GAS7: variants seen among roughly 807,000 people sequenced by gnomAD.
GAS7 encodes growth arrest-specific protein 7.
A neutral mutation model predicts 71.1 loss-of-function variants in GAS7; 28 were observed. The observed-to-expected ratio is 0.39, with a 90% confidence interval of 0.29 to 0.54. The LOEUF (loss-of-function observed/expected upper bound fraction) is 0.54. Ranked by LOEUF, GAS7 falls within the 20% of genes least tolerant of loss-of-function variation. The pLI, the probability that GAS7 is intolerant of heterozygous loss-of-function variation, is 0.62. For missense variants in GAS7, 436 were observed against 627.8 expected (o/e 0.69, Z 3.27); for synonymous variants, 258 against 245.8 (o/e 1.05, Z -0.46).
chr17:10,059,659 A>G, intron 1 of GAS7: 2 of 983,128 alleles, frequency 2.0e-6, no homozygotes, highest in Non-Finnish European at 1.2e-6. Context: ...ATCTGCATCA[A>G]AGATAACCAG....
At chr17:10,094,817 G>A (rs187309833) in intron 1 of GAS7, among the ~76,000 whole-genome samples, 292 of 152,230 alleles carry the variant, frequency 1.9e-3, no homozygotes, top group South Asian at 5.4e-3. Context: ...CTCACGAGGG[G>A]ATTAACAGAA....
At chr17:9,966,579 T>C (rs751114703) in intron 4 of GAS7, among the ~76,000 whole-genome samples, 1 of 152,202 alleles carries the variant, frequency 6.6e-6, no homozygotes, top group Non-Finnish European at 1.5e-5. Flanking sequence ...GTGGGGTCTA[T>C]ACCTGGGGAC....
Position 10,020,361 on chromosome 17 carries a change from A to G in GAS7, c.184-464T>C, listed in dbSNP as rs144864696. The stretch of plus-strand genomic sequence containing the variant: ...AATTAATGCAAGTCATCCCACAGCC[A>G]GATGCAAAACATTCTATAATAATGC... On this transcript the variant is annotated intron_variant, in intron 1 of 13. Transcript: ENST00000432992. 8.5e-3 allele frequency among the ~76,000 whole-genome samples: 1,299 copies of G among 152,330 alleles called. 6 individuals are homozygous for G. Among genetic ancestry groups the G allele is most frequent in the Non-Finnish European group, 0.015 (1,037 of 68,022 alleles).
intron 1 of GAS7, among the ~76,000 whole-genome samples, chr17:10,104,956 C>G (rs932719995): frequency 2.0e-5 from 3 of 152,194 alleles, no homozygotes; most frequent in Non-Finnish European, 2.9e-5. Flanking sequence ...AGGCTTTGCA[C>G]TACTCCTAGA....
chr17:10,122,018 G>A (rs539710295), intron 1 of GAS7, among the ~76,000 whole-genome samples: 11 of 152,178 alleles, frequency 7.2e-5, no homozygotes, highest in South Asian at 6.2e-4. Flanking sequence ...GGCACAATCC[G>A]AAGGCCAGCC....
intron 7 of GAS7, among the ~76,000 whole-genome samples, chr17:9,942,050 C>T (rs2068621321): frequency 6.6e-6 from 1 of 152,072 alleles, no homozygotes; most frequent in Non-Finnish European, 1.5e-5. Context: ...GTCAGGAGTT[C>T]GAGACCAGCC....
intron 1 of GAS7, among the ~76,000 whole-genome samples, chr17:10,127,308 G>A (rs994162275): frequency 2.6e-5 from 4 of 152,132 alleles, no homozygotes; most frequent in African/African-American, 9.7e-5. Flanking sequence ...GGTTTCCAGG[G>A]GCCCCATGTT....
At chr17:10,015,484 T>C (rs992879697) in intron 2 of GAS7, among the ~76,000 whole-genome samples, 4 of 152,148 alleles carry the variant, frequency 2.6e-5, no homozygotes, top group African/African-American at 9.7e-5. Flanking sequence ...GAAAGGCAGA[T>C]AGATGCAGCT....
In GAS7 at chr17:9,916,685, G is replaced by A; in HGVS notation, c.*543C>T. ...ACCCCTGGTGATGAACAGTGGCTGA[G>A]AAAGCCAGATGTGGACTCCCAGAAT... On this transcript the variant is annotated 3_prime_UTR_variant, in exon 14 of 14. Transcript: ENST00000432992. 2 of 350,652 alleles carry A rather than the reference G, an allele frequency of 5.7e-6. No homozygotes were observed. The highest frequency in any genetic ancestry group is 1.0e-5 in the Non-Finnish European group (2 of 195,834). The allele number at this position is 350,652 out of a possible 1,614,324, so 21.7% of individuals were successfully genotyped here. A position where few individuals can be genotyped will look rare whatever the true frequency, so the allele number is the denominator to read the frequency against.
At chr17:10,008,810 C>T (rs969618905) in intron 2 of GAS7, among the ~76,000 whole-genome samples, 3 of 152,164 alleles carry the variant, frequency 2.0e-5, no homozygotes, top group Admixed American at 6.5e-5. Flanking sequence ...CACACGCACA[C>T]GCACGCAACC....
rs2142055722 is a variant in GAS7, at chr17:10,103,388, C to A, written c.184-83491G>T. Among the ~76,000 whole-genome samples, 1 of 152,226 alleles carries A rather than the reference C, an allele frequency of 6.6e-6. No homozygotes were observed. Among genetic ancestry groups the A allele is most frequent in the East Asian group, 1.9e-4 (1 of 5,172 alleles). On this transcript the variant is annotated intron_variant, in intron 1 of 13. Coordinates refer to ENST00000432992, the MANE Select transcript of GAS7 (RefSeq NM_201433.2). The surrounding 1 kb of genome is among the most constrained non-coding windows in gnomAD (Gnocchi z 5.5). ...AACCAACCCCCATGTAGTTGGTTTG[C>A]ACATTTAAATTTGAGAAGCACAGCT...
chr17:9,923,074 A>T (rs937880804), intron 11 of GAS7, among the ~76,000 whole-genome samples: 4 of 152,230 alleles, frequency 2.6e-5, no homozygotes, highest in Middle Eastern at 3.4e-3. Context: ...ACACCCAGCT[A>T]AGTTTTGTAT....
intron 1 of GAS7, among the ~76,000 whole-genome samples, chr17:10,033,296 G>T (rs2072667243): frequency 6.6e-6 from 1 of 152,080 alleles, no homozygotes; most frequent in South Asian, 2.1e-4. Flanking sequence ...AAAAGCCTGG[G>T]AACAAGAGAG....
At chr17:10,167,044 C>CTTTTCT (rs2074299481) in intron 1 of GAS7, among the ~76,000 whole-genome samples, 1 of 58,806 alleles carries the variant, frequency 1.7e-5, no homozygotes, top group African/African-American at 8.1e-5. Context: ...TTCCATTTGT[C>CTTTTCT]TTTTTTTTTT....
intron 3 of GAS7, among the ~76,000 whole-genome samples, chr17:9,973,792 G>T (rs2070071819): frequency 6.6e-6 from 1 of 152,180 alleles, no homozygotes; most frequent in Non-Finnish European, 1.5e-5. Context: ...AGGCTTCCAG[G>T]TCTATTTTAC....
At chr17:9,928,643 G>A (rs565745606) in intron 9 of GAS7, among the ~76,000 whole-genome samples, 1 of 152,334 alleles carries the variant, frequency 6.6e-6, no homozygotes, top group African/African-American at 2.4e-5. Flanking sequence ...CGAGGGTTCT[G>A]TGACTTCTCT....
chr17:10,133,121 TA>T (rs2074010821), intron 1 of GAS7, among the ~76,000 whole-genome samples: 2 of 119,592 alleles, frequency 1.7e-5, no homozygotes, highest in African/African-American at 6.2e-5. Context: ...TATATTTTTA[TA>T]TTTTTTTTTT....
chr17:9,957,608 T>A (rs2069299069), intron 5 of GAS7, among the ~76,000 whole-genome samples: 1 of 141,730 alleles, frequency 7.1e-6, no homozygotes. Context: ...CCTTTTTATG[T>A]ATTTCAGAAG....
chr17:10,174,623 C>T (rs578202448), intron 1 of GAS7, among the ~76,000 whole-genome samples: 9 of 151,848 alleles, frequency 5.9e-5, no homozygotes, highest in African/African-American at 1.5e-4. Context: ...ACCCAGGAGG[C>T]GGAGCTTGCA....
Sources: allele counts gnomAD v4.1 joint callset (sites outside exome capture counted in the v4.1 genomes callset), GRCh38; gene constraint gnomAD v4.1.1; non-coding constraint Gnocchi (gnomAD v3.1); transcripts MANE v1.5; gene names NCBI Gene and HGNC (gene_info 2026-07-23, HGNC 2026-07-21).